Variants in PXDNL observed in about 807,000 individuals in gnomAD.
The protein encoded by PXDNL is peroxidasin like, also known as probable oxidoreductase PXDNL.
In PXDNL, 145 loss-of-function variants were observed where a neutral mutation model predicts 150.8. The ratio of observed to expected loss-of-function variants is 0.96; its 90% CI spans 0.84 to 1.10. The LOEUF is 1.10. PXDNL is among the 50% of genes least tolerant of loss of function. The pLI is 0.00. For missense variants in PXDNL, 2,087 were observed against 1,873.9 expected, an observed-to-expected ratio of 1.11 and a Z score of -2.10; for synonymous variants, 757 against 725.7, an observed-to-expected ratio of 1.04 and a Z score of -0.69.
In PXDNL at chr8:51,443,350, T is replaced by C. The variant is rs576939197; in HGVS notation, c.1525+3654A>G. Among the ~76,000 whole-genome samples the C allele has an allele frequency of 9.8e-5, 15 of 152,324 alleles. 1 individual carries two copies. In the East Asian group the frequency reaches 2.9e-3, roughly 29 times the overall value. ...ACGAAAAAAGCCAGCTCTTTTTTCA[T>C]TATGTTTTCATAATGCTCTGAAAAC... On this transcript the variant is annotated intron_variant, in intron 12 of 22. Coordinates refer to ENST00000356297, the MANE Select transcript of PXDNL (RefSeq NM_144651.5).
chr8:51,569,202 T>G (rs557390827), intron 3 of PXDNL, among the ~76,000 whole-genome samples: 2 of 151,926 alleles, frequency 1.3e-5, no homozygotes, highest in Non-Finnish European at 2.9e-5. Context: ...TAACAGGAAC[T>G]GAGGTAAATA....
intron 17 of PXDNL, among the ~76,000 whole-genome samples, chr8:51,403,000 G>A (rs1468045155): frequency 6.6e-6 from 1 of 150,626 alleles, no homozygotes; most frequent in African/African-American, 2.4e-5. Context: ...TGAGGCAGGA[G>A]AATGGCGTGA....
intron 21 of PXDNL, among the ~76,000 whole-genome samples, chr8:51,322,181 A>T (rs766249711): frequency 1.3e-5 from 2 of 152,308 alleles, no homozygotes; most frequent in Non-Finnish European, 2.9e-5. Context: ...GTGAAAAAAC[A>T]AACTGTTTTA....
rs149216108 is a variant in PXDNL, at chr8:51,341,705, C to A, written c.4017-1952G>T. Among the ~76,000 whole-genome samples, 525 of 152,336 alleles carry A rather than the reference C, an allele frequency of 3.4e-3. 3 individuals are homozygous for A. Among genetic ancestry groups the A allele is most frequent in the South Asian group, 0.011 (54 of 4,822 alleles). On this transcript the variant is annotated intron_variant, in intron 20 of 22. Coordinates refer to ENST00000356297, the MANE Select transcript of PXDNL (RefSeq NM_144651.5). ...TTTAGATACCTCATATAAACAGAATCATGCAATATCTTCCTTTTGTGACTG... is the reference window on the plus strand; with the variant it reads ...TTTAGATACCTCATATAAACAGAATAATGCAATATCTTCCTTTTGTGACTG...
At chr8:51,470,685 T>G (rs1033494407) in intron 8 of PXDNL, among the ~76,000 whole-genome samples, 1 of 152,090 alleles carries the variant, frequency 6.6e-6, no homozygotes, top group African/African-American at 2.4e-5. Context: ...GTGCCATACA[T>G]CTACAAATAT....
intron 20 of PXDNL, among the ~76,000 whole-genome samples, chr8:51,345,359 G>A (rs1806116285): frequency 6.6e-6 from 1 of 152,144 alleles, no homozygotes; most frequent in Admixed American, 6.5e-5. Context: ...AAAGGAATAA[G>A]ACTGACATTT....
chr8:51,533,415 T>C (rs901050343), intron 4 of PXDNL, among the ~76,000 whole-genome samples: 1 of 151,500 alleles, frequency 6.6e-6, no homozygotes, highest in Non-Finnish European at 1.5e-5. Context: ...CCTCCCAAAA[T>C]GTTGGGATTA....
At chr8:51,490,847 T>G (rs769529314) in intron 5 of PXDNL, among the ~76,000 whole-genome samples, 1 of 151,454 alleles carries the variant, frequency 6.6e-6, no homozygotes, top group Non-Finnish European at 1.5e-5. Flanking sequence ...ATGAATGAAA[T>G]AAAAATCTAT....
chr8:51,793,843 A>G (rs2037536697), intron 1 of PXDNL, among the ~76,000 whole-genome samples: 1 of 152,128 alleles, frequency 6.6e-6, no homozygotes, highest in African/African-American at 2.4e-5. Context: ...CAATGAGCCA[A>G]GATCATGCCA....
At chr8:51,706,368 G>A (rs771648487) in intron 1 of PXDNL, among the ~76,000 whole-genome samples, 30 of 152,068 alleles carry the variant, frequency 2.0e-4, no homozygotes, top group Middle Eastern at 3.2e-3. Flanking sequence ...ATACTTCACA[G>A]TCTATTTAGA....
intron 21 of PXDNL, among the ~76,000 whole-genome samples, chr8:51,329,758 G>C (rs927688168): frequency 1.3e-5 from 2 of 152,158 alleles, no homozygotes; most frequent in Non-Finnish European, 2.9e-5. Flanking sequence ...GCCTTCGATG[G>C]CTTCATCAGT....
At chr8:51,795,253 T>G (rs1563323490) in intron 1 of PXDNL, among the ~76,000 whole-genome samples, 1 of 152,128 alleles carries the variant, frequency 6.6e-6, no homozygotes, top group Non-Finnish European at 1.5e-5. Context: ...GAAAATTAAC[T>G]AGGATATTCA....
At chr8:51,388,893 T>C (rs531068590) in intron 17 of PXDNL, among the ~76,000 whole-genome samples, 2 of 152,326 alleles carry the variant, frequency 1.3e-5, no homozygotes, top group Non-Finnish European at 2.9e-5. Context: ...TATCATGTCT[T>C]GAAATTCAGT....
intron 19 of PXDNL, among the ~76,000 whole-genome samples, chr8:51,366,577 G>A (rs1191024241): frequency 4.0e-5 from 6 of 151,590 alleles, no homozygotes; most frequent in African/African-American, 1.2e-4. Flanking sequence ...TACGTTTTAC[G>A]TATTTATGTA....
chr8:51,330,957 C>T (rs60579236), intron 21 of PXDNL, among the ~76,000 whole-genome samples: 2 of 151,994 alleles, frequency 1.3e-5, no homozygotes, highest in Admixed American at 6.6e-5. Flanking sequence ...TAAGGACTTC[C>T]GATAGATGAT....
chr8:51,435,024 A>G (rs1344258156), intron 12 of PXDNL, among the ~76,000 whole-genome samples: 1 of 152,178 alleles, frequency 6.6e-6, no homozygotes, highest in African/African-American at 2.4e-5. Context: ...AAACACACAC[A>G]AGAGTCTTCA....
At chr8:51,414,221 T>C (rs1239359358) in intron 14 of PXDNL, among the ~76,000 whole-genome samples, 3 of 151,772 alleles carry the variant, frequency 2.0e-5, no homozygotes, top group African/African-American at 7.3e-5. Flanking sequence ...ATACATATTA[T>C]ATGTATATAT....
intron 19 of PXDNL, among the ~76,000 whole-genome samples, chr8:51,350,857 A>G (rs1806331814): frequency 6.6e-6 from 1 of 152,030 alleles, no homozygotes; most frequent in Admixed American, 6.6e-5. Context: ...TTAAAGGAAA[A>G]TTCCACCGAG....
intron 2 of PXDNL, among the ~76,000 whole-genome samples, chr8:51,601,566 G>A (rs944686665): frequency 5.3e-5 from 8 of 151,850 alleles, no homozygotes; most frequent in Middle Eastern, 3.4e-3. Context: ...CCATTTGCAT[G>A]GCAGATTTTT....
Sources: gnomAD v4.1 joint callset for allele counts (sites outside exome capture counted in the v4.1 genomes callset) on GRCh38, gnomAD v4.1.1 for gene constraint, MANE v1.5 for transcripts, NCBI Gene and HGNC (gene_info 2026-07-23, HGNC 2026-07-21) for gene names.